Variants in SLC12A6 observed in about 807,000 individuals in gnomAD.
The protein encoded by SLC12A6 is solute carrier family 12 member 6, also known as K-Cl cotransporter 3.
A neutral mutation model predicts 135.3 loss-of-function variants in SLC12A6; 66 were observed. The ratio of observed to expected loss-of-function variants is 0.49; its 90% CI spans 0.40 to 0.60. The LOEUF is 0.60. Among genes scored for constraint, SLC12A6 ranks in the 20% least tolerant of loss-of-function variants. The pLI, the probability that SLC12A6 is intolerant of heterozygous loss-of-function variation, is 0.00. For missense variants in SLC12A6, 1,058 were observed against 1,452.3 expected (o/e 0.73, Z 4.41); for synonymous variants, 513 against 508.8 (o/e 1.01, Z -0.11).
chr15:34,287,511 T>C lies in SLC12A6; in HGVS notation c.272-12122A>G, dbSNP rs185244783. On this transcript the variant is annotated intron_variant, in intron 2 of 25. Coordinates refer to ENST00000354181, the MANE Select transcript of SLC12A6 (RefSeq NM_001365088.1). ...TATGCCCAGTAATGGGATTGCTGGGTCAAATGGTATTTCTAGTTCTAGATC... is the reference window on the plus strand; with the variant it reads ...TATGCCCAGTAATGGGATTGCTGGGCCAAATGGTATTTCTAGTTCTAGATC... Among the ~76,000 whole-genome samples, 728 of 152,320 alleles carry C rather than the reference T, an allele frequency of 4.8e-3. 6 individuals carry two copies. The highest frequency in any genetic ancestry group is 0.017 in the African/African-American group (713 of 41,564).
chr15:34,284,221 G>A (rs957541448), intron 2 of SLC12A6, among the ~76,000 whole-genome samples: 20 of 151,518 alleles, frequency 1.3e-4, no homozygotes, highest in African/African-American at 4.1e-4. Context: ...TACGGAAAGA[G>A]AGCTCACGGG....
At chr15:34,300,948 T>C (rs922305169) in intron 2 of SLC12A6, among the ~76,000 whole-genome samples, 3 of 152,194 alleles carry the variant, frequency 2.0e-5, no homozygotes, top group African/African-American at 4.8e-5. Flanking sequence ...CAGAGCTTCA[T>C]GTAACATTTA....
chr15:34,234,776 A>G (rs1312113270), intron 25 of SLC12A6, among the ~76,000 whole-genome samples: 1 of 152,196 alleles, frequency 6.6e-6, no homozygotes, highest in South Asian at 2.1e-4. Flanking sequence ...GGTATGAGGA[A>G]GAATCCCTAT....
At chr15:34,308,916 C>T (rs919873026) in intron 2 of SLC12A6, among the ~76,000 whole-genome samples, 4 of 152,100 alleles carry the variant, frequency 2.6e-5, no homozygotes, top group Admixed American at 6.6e-5. Context: ...GTAGAAACAG[C>T]GTGGTGTGGC....
At chr15:34,241,471 A>G (rs946434325) in intron 17 of SLC12A6, 134 bp from the exon 18 acceptor site, 1 of 650,778 alleles carries the variant, frequency 1.5e-6, no homozygotes, top group African/African-American at 1.8e-5. Flanking sequence ...AATGATTTAC[A>G]TAATGTTCTT....
intron 2 of SLC12A6, among the ~76,000 whole-genome samples, chr15:34,323,865 T>C (rs1889284799): frequency 6.6e-6 from 1 of 150,694 alleles, no homozygotes; most frequent in African/African-American, 2.5e-5. Flanking sequence ...TGCTTGAGCC[T>C]GGGAGGCTGA....
chr15:34,270,726 C>A, intron 3 of SLC12A6, among the ~76,000 whole-genome samples: 1 of 151,606 alleles, frequency 6.6e-6, no homozygotes, highest in East Asian at 1.9e-4. Flanking sequence ...TCACTTGAAC[C>A]TGGGAGATGG....
chr15:34,259,223 C>T (rs1892950171), intron 4 of SLC12A6, among the ~76,000 whole-genome samples: 1 of 152,022 alleles, frequency 6.6e-6, no homozygotes, highest in East Asian at 1.9e-4. Flanking sequence ...GCCTGTAATC[C>T]CAGCTACACG....
At chr15:34,273,046 C>A (rs1894068772) in intron 3 of SLC12A6, among the ~76,000 whole-genome samples, 1 of 152,004 alleles carries the variant, frequency 6.6e-6, no homozygotes, top group South Asian at 2.1e-4. Context: ...TAGAAACTAT[C>A]CAATATAAAA....
chr15:34,260,170 AAT>A (rs2140768963), intron 4 of SLC12A6, among the ~76,000 whole-genome samples: 1 of 152,356 alleles, frequency 6.6e-6, no homozygotes, highest in Non-Finnish European at 1.5e-5. Flanking sequence ...CAAATATCAA[AAT>A]ATCACATTGT....
chr15:34,333,803 G>C (rs11633814), intron 2 of SLC12A6, among the ~76,000 whole-genome samples: 2 of 151,954 alleles, frequency 1.3e-5, no homozygotes, highest in Non-Finnish European at 2.9e-5. Context: ...GGGCGCTGTG[G>C]CTCACGCCTG....
chr15:34,258,219 G>A (rs553616766), intron 5 of SLC12A6, among the ~76,000 whole-genome samples: 3 of 152,274 alleles, frequency 2.0e-5, no homozygotes, highest in South Asian at 2.1e-4. Flanking sequence ...TCTGAGGGCC[G>A]TTTTATCCCT....
At chr15:34,309,195 T>G (rs1887975813) in intron 2 of SLC12A6, among the ~76,000 whole-genome samples, 1 of 152,172 alleles carries the variant, frequency 6.6e-6, no homozygotes, top group African/African-American at 2.4e-5. Context: ...GTTTCCTCTT[T>G]CAGCCTGGCC....
chr15:34,296,497 T>C (rs1449511762), intron 2 of SLC12A6, among the ~76,000 whole-genome samples: 1 of 152,202 alleles, frequency 6.6e-6, no homozygotes, highest in African/African-American at 2.4e-5. Flanking sequence ...ATACTGGTTG[T>C]TCCTAAAATT....
At chr15:34,321,514 A>C (rs1353657376) in intron 2 of SLC12A6, among the ~76,000 whole-genome samples, 1 of 152,250 alleles carries the variant, frequency 6.6e-6, no homozygotes, top group Non-Finnish European at 1.5e-5. Context: ...CTGTGGAACA[A>C]AAAGAACTTT....
intron 2 of SLC12A6, among the ~76,000 whole-genome samples, chr15:34,309,863 T>C (rs1435637386): frequency 6.6e-6 from 1 of 152,186 alleles, no homozygotes; most frequent in African/African-American, 2.4e-5. Context: ...GTTAGGCTGG[T>C]AAAAGCCTCC....
chr15:34,235,373 C>A, intron 24 of SLC12A6, 59 bp from the exon 25 acceptor site: 3 of 1,437,374 alleles, frequency 2.1e-6, no homozygotes, highest in Non-Finnish European at 2.9e-6. Context: ...ATAAAGTCAA[C>A]GTTAAAAACT....
intron 23 of SLC12A6, 87 bp downstream of exon 23, chr15:34,236,620 GC>G: frequency 1.2e-6 from 1 of 869,094 alleles, no homozygotes; most frequent in Non-Finnish European, 2.0e-6. Flanking sequence ...GGGATTACAG[GC>G]GTGAGCCACC....
Position 34,233,556 on chromosome 15 carries a change from C to A in SLC12A6, c.*325G>T. Reference sequence around the variant, plus strand: ...ACGTACTTGACTTGCTTTTTTTCTTCAGTTGAATTTCTAGCATCCCTTTTA... The same window carrying A: ...ACGTACTTGACTTGCTTTTTTTCTTAAGTTGAATTTCTAGCATCCCTTTTA... On this transcript the variant is annotated 3_prime_UTR_variant, in exon 26 of 26. Coordinates refer to ENST00000354181, the MANE Select transcript of SLC12A6 (RefSeq NM_001365088.1). 1 of 299,420 alleles carries A rather than the reference C, an allele frequency of 3.3e-6. No homozygotes were observed. Among genetic ancestry groups the A allele is most frequent in the Non-Finnish European group, 6.5e-6 (1 of 153,562 alleles). 18.5% of individuals were successfully genotyped at this position (299,420 alleles called of 1,614,324 possible).
Sources: allele counts gnomAD v4.1 joint callset (sites outside exome capture counted in the v4.1 genomes callset), GRCh38; gene constraint gnomAD v4.1.1; transcripts MANE v1.5; gene names NCBI Gene and HGNC (gene_info 2026-07-23, HGNC 2026-07-21).